MDGA2: variants seen among roughly 807,000 people sequenced by gnomAD.
MDGA2 encodes the protein MAM domain-containing glycosylphosphatidylinositol anchor protein 2.
In MDGA2, 40 loss-of-function variants were observed where a neutral mutation model predicts 117.8. The observed-to-expected ratio is 0.34, with a 90% confidence interval of 0.26 to 0.44. The LOEUF (loss-of-function observed/expected upper bound fraction) is 0.44. MDGA2 is among the 20% of genes least tolerant of loss of function. MDGA2 has a pLI of 1.00. For missense variants in MDGA2, 1,123 were observed against 1,250.6 expected (o/e 0.90, Z 1.54); for synonymous variants, 452 against 439.0 (o/e 1.03, Z -0.37).
intron 1 of MDGA2, among the ~76,000 whole-genome samples, chr14:47,541,917 GGAAAGTAAAA>G (rs1283436120): frequency 6.6e-6 from 1 of 152,012 alleles, no homozygotes; most frequent in Non-Finnish European, 1.5e-5. Context: ...TGTCTTCTTC[GGAAAGTAAAA>G]TACTGGTGCT....
rs528075538 is a variant in MDGA2, at chr14:47,651,510, A to T, written c.280+23007T>A. 1.6e-4 allele frequency among the ~76,000 whole-genome samples: 25 copies of T among 152,236 alleles called. 1 individual carries two copies. The South Asian group carries it at 5.2e-3, about 32-fold the overall frequency. On this transcript the variant is annotated intron_variant, in intron 1 of 16. Transcript: ENST00000399232. ...GTGTGAGAATGATAGTAGAGGTTCA[A>T]ATTTATCTTCAGAGGAATGAGAAAC... is the stretch of plus-strand genomic sequence containing the variant.
intron 7 of MDGA2, among the ~76,000 whole-genome samples, chr14:47,038,839 G>A (rs918661938): frequency 4.0e-5 from 6 of 151,778 alleles, no homozygotes; most frequent in South Asian, 2.1e-4. Flanking sequence ...CTACTCTGGA[G>A]GCTTAGGGGC....
rs1891661436 is a variant in MDGA2 at position 47,382,584 on chromosome 14, G to T, written c.281-81034C>A. 2.6e-5 allele frequency among the ~76,000 whole-genome samples: 4 copies of T among 152,200 alleles called. 1 individual carries two copies. In the South Asian group the frequency reaches 8.3e-4, roughly 31 times the overall value. On this transcript the variant is annotated intron_variant, in intron 1 of 16. Coordinates refer to ENST00000399232, the MANE Select transcript of MDGA2 (RefSeq NM_001113498.3). ...CTTCTCGAAAGAAGACATTTATGCA[G>T]TCAACAGACACATAAAAAATGTTCA...
intron 3 of MDGA2, among the ~76,000 whole-genome samples, chr14:47,161,928 T>C (rs1045364065): frequency 1.9e-4 from 1 of 5,354 alleles, no homozygotes; most frequent in Non-Finnish European, 3.1e-4. Context: ...CCCCAGATCC[T>C]TTTTTTTTTT....
chr14:46,878,774 T>C (rs1882331639), intron 11 of MDGA2, among the ~76,000 whole-genome samples: 1 of 151,328 alleles, frequency 6.6e-6, no homozygotes, highest in Non-Finnish European at 1.5e-5. Flanking sequence ...ATTTCATAGT[T>C]AATATGAAAT....
intron 3 of MDGA2, among the ~76,000 whole-genome samples, chr14:47,202,945 A>T (rs1885563033): frequency 6.6e-6 from 1 of 152,062 alleles, no homozygotes; most frequent in Non-Finnish European, 1.5e-5. Context: ...ATACTGGAAA[A>T]TAACTTTTCT....
intron 2 of MDGA2, among the ~76,000 whole-genome samples, chr14:47,231,776 G>A (rs895701965): frequency 1.3e-5 from 2 of 151,336 alleles, no homozygotes; most frequent in Admixed American, 1.3e-4. Context: ...GGGAGAAGAT[G>A]GAGAATTCAA....
intron 8 of MDGA2, among the ~76,000 whole-genome samples, chr14:46,969,070 G>A (rs889813579): frequency 2.1e-4 from 32 of 152,088 alleles, no homozygotes; most frequent in African/African-American, 7.5e-4. Context: ...CCCTACAAAG[G>A]ACATGAACTC....
At chr14:47,516,361 C>A (rs997359782) in intron 1 of MDGA2, among the ~76,000 whole-genome samples, 1 of 152,166 alleles carries the variant, frequency 6.6e-6, no homozygotes, top group African/African-American at 2.4e-5. Context: ...ATCCCCATTT[C>A]TTTCACCAGT....
At chr14:47,271,035 A>T (rs1209049786) in intron 2 of MDGA2, among the ~76,000 whole-genome samples, 1 of 152,094 alleles carries the variant, frequency 6.6e-6, no homozygotes, top group Non-Finnish European at 1.5e-5. Context: ...CCTGTGTAGG[A>T]TTACTAACTT....
intron 3 of MDGA2, among the ~76,000 whole-genome samples, chr14:47,176,337 T>C (rs1186969848): frequency 1.3e-5 from 2 of 152,104 alleles, no homozygotes; most frequent in Non-Finnish European, 1.5e-5. Flanking sequence ...GAGCCGGCAT[T>C]GCCAAGTCAA....
intron 1 of MDGA2, among the ~76,000 whole-genome samples, chr14:47,425,553 A>C (rs1386083082): frequency 6.6e-6 from 1 of 152,112 alleles, no homozygotes; most frequent in Non-Finnish European, 1.5e-5. Context: ...CTGAGGCTAT[A>C]ATCTTCTAGG....
At chr14:47,072,383 G>A (rs1482400673) in intron 6 of MDGA2, among the ~76,000 whole-genome samples, 2 of 152,170 alleles carry the variant, frequency 1.3e-5, no homozygotes, top group African/African-American at 4.8e-5. Context: ...ATTTCTTAGA[G>A]ACTTGTTGGA....
At chr14:47,109,498 G>A (rs187854223) in intron 5 of MDGA2, among the ~76,000 whole-genome samples, 1 of 152,140 alleles carries the variant, frequency 6.6e-6, no homozygotes, top group Admixed American at 6.5e-5. Context: ...AGTAAAAAGG[G>A]TAGTGTTTTT....
chr14:46,910,227 C>G (rs1411016540), intron 10 of MDGA2, among the ~76,000 whole-genome samples: 1 of 151,986 alleles, frequency 6.6e-6, no homozygotes, highest in African/African-American at 2.4e-5. Context: ...TCTCCCTTCC[C>G]CTAGCCTCCA....
At chr14:47,601,440 G>A (rs1034770145) in intron 1 of MDGA2, among the ~76,000 whole-genome samples, 4 of 151,940 alleles carry the variant, frequency 2.6e-5, no homozygotes, top group Admixed American at 6.6e-5. Context: ...TTATCTTTCT[G>A]GAAGATGACA....
At chr14:47,595,442 G>A (rs967537877) in intron 1 of MDGA2, among the ~76,000 whole-genome samples, 1 of 150,514 alleles carries the variant, frequency 6.6e-6, no homozygotes, top group African/African-American at 2.4e-5. Flanking sequence ...GCTGAGGCAC[G>A]AGAATCGCTT....
At chr14:47,213,946 A>G (rs1383406526) in intron 3 of MDGA2, among the ~76,000 whole-genome samples, 1 of 152,156 alleles carries the variant, frequency 6.6e-6, no homozygotes, top group Non-Finnish European at 1.5e-5. Flanking sequence ...TGCTGAGCAC[A>G]GAATGGAAAG....
chr14:47,173,484 A>G (rs1187435464), intron 3 of MDGA2, among the ~76,000 whole-genome samples: 7 of 152,308 alleles, frequency 4.6e-5, no homozygotes, highest in East Asian at 1.9e-4. Flanking sequence ...AAGAGAGTGG[A>G]GGCCAATATT....
Sources: allele counts gnomAD v4.1 joint callset (sites outside exome capture counted in the v4.1 genomes callset), GRCh38; gene constraint gnomAD v4.1.1; transcripts MANE v1.5; gene names NCBI Gene and HGNC (gene_info 2026-07-23, HGNC 2026-07-21).